The following DSCAML1 variants were observed in gnomAD, a reference collection of about 807,000 sequenced individuals.
DSCAML1 encodes the protein cell adhesion molecule DSCAML1.
DSCAML1 carries 38 observed loss-of-function variants against 200.5 expected under a neutral mutation model. The ratio of observed to expected loss-of-function variants is 0.19; its 90% confidence interval spans 0.15 to 0.25. The LOEUF is 0.25. DSCAML1 is among the 10% of genes least tolerant of loss of function. The pLI, the probability that DSCAML1 is intolerant of heterozygous loss-of-function variation, is 1.00. For missense variants in DSCAML1, 2,223 were observed against 2,858.8 expected (o/e 0.78, Z 5.07); for synonymous variants, 1,215 against 1,165.0 (o/e 1.04, Z -0.87).
At chr11:117,622,387 C>A (rs1334174582) in intron 3 of DSCAML1, among the ~76,000 whole-genome samples, 1 of 152,158 alleles carries the variant, frequency 6.6e-6, no homozygotes, top group Admixed American at 6.5e-5. Flanking sequence ...AGTTGCCCTC[C>A]CTTGCTTCCC....
At chr11:117,782,446 G>A (rs1418893247) in intron 1 of DSCAML1, among the ~76,000 whole-genome samples, 1 of 152,150 alleles carries the variant, frequency 6.6e-6, no homozygotes, top group Non-Finnish European at 1.5e-5. Context: ...CACTTTCTTG[G>A]AGAGGGGAGC....
intron 3 of DSCAML1, among the ~76,000 whole-genome samples, chr11:117,606,324 G>GC (rs1218889132): frequency 6.6e-6 from 1 of 152,038 alleles, no homozygotes; most frequent in Non-Finnish European, 1.5e-5. Flanking sequence ...TACCTTCACT[G>GC]CCCCCCTGGA....
At chr11:117,704,333 T>C (rs1271989542) in intron 3 of DSCAML1, among the ~76,000 whole-genome samples, 1 of 152,214 alleles carries the variant, frequency 6.6e-6, no homozygotes, top group Non-Finnish European at 1.5e-5. Flanking sequence ...TTCTTCCTTC[T>C]ACCCAACAAG....
intron 3 of DSCAML1, among the ~76,000 whole-genome samples, chr11:117,612,594 G>A (rs2051718816): frequency 6.6e-6 from 1 of 152,178 alleles, no homozygotes; most frequent in South Asian, 2.1e-4. Flanking sequence ...AGGAGCAGGT[G>A]GGATGGTGAT....
intron 8 of DSCAML1, among the ~76,000 whole-genome samples, chr11:117,507,700 T>G (rs951590349): frequency 6.6e-6 from 1 of 152,162 alleles, no homozygotes; most frequent in Non-Finnish European, 1.5e-5. Context: ...TGAACACCAC[T>G]GGGCATCTGT....
chr11:117,516,420 C>A lies in DSCAML1; in HGVS notation c.1783+47G>T. ...CCAGCTGGGGAAAGGCCCACGCATC[C>A]TGGGTGGTCAGGCGGGCAGGGGCCC... is the stretch of plus-strand genomic sequence containing the variant. On this transcript the variant is annotated intron_variant, in intron 8 of 32. Coordinates refer to ENST00000651296, the MANE Select transcript of DSCAML1 (RefSeq NM_020693.4). This position sits in a 1 kb window ranked among gnomAD's most constrained non-coding sequence, Gnocchi z 5.7. The A allele has an allele frequency of 6.3e-7, 1 of 1,584,320 alleles. No homozygotes were observed.
chr11:117,700,885 G>C (rs962034516), intron 3 of DSCAML1, among the ~76,000 whole-genome samples: 1 of 152,218 alleles, frequency 6.6e-6, no homozygotes, highest in African/African-American at 2.4e-5. Flanking sequence ...GCCAGTCAGG[G>C]TTCACCGCCT....
intron 14 of DSCAML1, among the ~76,000 whole-genome samples, chr11:117,477,701 T>C (rs1417873794): frequency 4.6e-5 from 7 of 152,176 alleles, no homozygotes; most frequent in Non-Finnish European, 1.0e-4. Flanking sequence ...AACAATCCCA[T>C]GAGGTAGGCA....
intron 22 of DSCAML1, among the ~76,000 whole-genome samples, 179 bp downstream of exon 22, chr11:117,439,640 A>C (rs967984401): frequency 3.9e-5 from 6 of 152,026 alleles, no homozygotes; most frequent in African/African-American, 7.2e-5. Context: ...GGCTCCCAAG[A>C]GGGGAGCCAG....
intron 3 of DSCAML1, among the ~76,000 whole-genome samples, chr11:117,568,352 T>C (rs1306223465): frequency 6.6e-6 from 1 of 152,082 alleles, no homozygotes; most frequent in Non-Finnish European, 1.5e-5. Flanking sequence ...CTATTCAACA[T>C]AGTGTTGGAA....
intron 3 of DSCAML1, among the ~76,000 whole-genome samples, chr11:117,595,102 C>T (rs151094050): frequency 4.8e-5 from 6 of 125,020 alleles, no homozygotes; most frequent in African/African-American, 2.0e-4. Flanking sequence ...TTTGATATTT[C>T]CTTAAGACAC....
At chr11:117,751,755 T>C (rs925229400) in intron 3 of DSCAML1, among the ~76,000 whole-genome samples, 1 of 152,168 alleles carries the variant, frequency 6.6e-6, no homozygotes, top group African/African-American at 2.4e-5. Context: ...CAAAGTGCCC[T>C]TGGTCAAGGT....
rs56765238 is a variant in DSCAML1 at position 117,515,610 on chromosome 11, C to CTTTT, written c.1783+853_1783+856dup. Among the ~76,000 whole-genome samples, 221 of 65,128 alleles carry CTTTT rather than the reference C, an allele frequency of 3.4e-3. 46 individuals carry two copies. The highest frequency in any genetic ancestry group is 0.017 in the African/African-American group (207 of 11,912). The allele number at this position is 65,128 out of a possible 152,430, so 42.7% of individuals were successfully genotyped here. ...TGTCAAGGGCCCAGGAGGGACGAAG[C>CTTTT]TTTTTTTTTTTTTTTTTTTTTTTTT... On this transcript the variant is annotated intron_variant, in intron 8 of 32. Transcript: ENST00000651296.
intron 3 of DSCAML1, among the ~76,000 whole-genome samples, chr11:117,759,229 CT>C (rs906357987): frequency 3.9e-5 from 6 of 152,164 alleles, no homozygotes; most frequent in Admixed American, 3.9e-4. Flanking sequence ...CCAAGGCCCC[CT>C]ATAGCCCTGA....
intron 3 of DSCAML1, among the ~76,000 whole-genome samples, chr11:117,699,937 C>A (rs900401075): frequency 6.6e-6 from 1 of 152,334 alleles, no homozygotes; most frequent in South Asian, 2.1e-4. Context: ...AAAACAGGGG[C>A]AGCCTAAGCT....
At chr11:117,681,556 C>T (rs2053313210) in intron 3 of DSCAML1, among the ~76,000 whole-genome samples, 1 of 152,168 alleles carries the variant, frequency 6.6e-6, no homozygotes, top group Non-Finnish European at 1.5e-5. Flanking sequence ...AAAACAGTCT[C>T]TTGACACTCC....
chr11:117,675,968 G>A (rs2053204274), intron 3 of DSCAML1, among the ~76,000 whole-genome samples: 1 of 152,142 alleles, frequency 6.6e-6, no homozygotes, highest in Admixed American at 6.5e-5. Flanking sequence ...ATGAGTTGGG[G>A]GCTGGGGATG....
At chr11:117,461,636 A>G (rs588048) in intron 17 of DSCAML1, 40 bp from the exon 18 acceptor site, 1,588,868 of 1,594,110 alleles carry the variant, frequency 1, 791,884 homozygotes, top group African/African-American at 1. Flanking sequence ...CCAGTCAGTC[A>G]TGGATGTGAG....
intron 4 of DSCAML1, among the ~76,000 whole-genome samples, chr11:117,527,909 C>G (rs1376702320): frequency 6.6e-6 from 1 of 152,168 alleles, no homozygotes; most frequent in Non-Finnish European, 1.5e-5. Flanking sequence ...ATCAGGCTCT[C>G]CAGGGGCAAG....
Sources: allele counts gnomAD v4.1 joint callset (sites outside exome capture counted in the v4.1 genomes callset), GRCh38; gene constraint gnomAD v4.1.1; non-coding constraint Gnocchi (gnomAD v3.1); transcripts MANE v1.5; gene names NCBI Gene and HGNC (gene_info 2026-07-23, HGNC 2026-07-21).